OXNAD1: variants seen among roughly 807,000 people sequenced by gnomAD.
The protein encoded by OXNAD1 is oxidoreductase NAD-binding domain-containing protein 1.
A neutral mutation model predicts 32.9 loss-of-function variants in OXNAD1; 34 were observed. That is an observed-to-expected ratio of 1.03 (90% confidence interval 0.79 to 1.38). The LOEUF (loss-of-function observed/expected upper bound fraction) is 1.38. Ranked by LOEUF, OXNAD1 falls within the 40% of genes most tolerant of loss-of-function variation. The pLI, the probability that OXNAD1 is intolerant of heterozygous loss-of-function variation, is 0.00. For synonymous variants in OXNAD1, 134 were observed against 135.2 expected, an observed-to-expected ratio of 0.99 and a Z score of 0.06; for missense variants, 407 against 379.4, an observed-to-expected ratio of 1.07 and a Z score of -0.60.
rs996682155 is a variant in OXNAD1 at position 16,346,686 on chromosome 3, G to T, written c.*31-2490G>T. Among the ~76,000 whole-genome samples, 5 of 152,198 alleles carry T rather than the reference G, an allele frequency of 3.3e-5. No individual in the cohort carries two copies. The highest frequency in any genetic ancestry group is 7.3e-5 in the Non-Finnish European group (5 of 68,030). The stretch of plus-strand genomic sequence containing the variant: ...AATGAGACCTGAGGAAATCTCTGTT[G>T]TGGGTTTCTGGGAAAGCTTTTACTT... On this transcript the variant is annotated intron_variant, in intron 9 of 9. Transcript: ENST00000606098. This position sits in a 1 kb window ranked among gnomAD's most constrained non-coding sequence, Gnocchi z 4.4.
intron 4 of OXNAD1, among the ~76,000 whole-genome samples, chr3:16,279,904 T>C (rs775810225): frequency 3.3e-5 from 5 of 152,150 alleles, no homozygotes; most frequent in Non-Finnish European, 7.3e-5. Flanking sequence ...GTAATATGAA[T>C]GGGAGCAGAG....
Position 16,290,376 on chromosome 3 carries a change from T to C in OXNAD1, c.290+3928T>C, listed in dbSNP as rs1442391977. Among the ~76,000 whole-genome samples, 1 of 152,240 alleles carries C rather than the reference T, an allele frequency of 6.6e-6. No individual in the cohort carries two copies. The highest frequency in any genetic ancestry group is 2.4e-5 in the African/African-American group (1 of 41,458). ...GAAGTTTTTATGTAACTTAAATTCT[T>C]CTGTATTTTTTAATGAAGGAGTCCT... is the stretch of plus-strand genomic sequence containing the variant. On this transcript the variant is annotated intron_variant, in intron 5 of 8. Transcript: ENST00000285083. The surrounding 1 kb of genome is among the most constrained non-coding windows in gnomAD (Gnocchi z 4.2).
chr3:16,332,886 A>G (rs1169720122), intron 9 of OXNAD1, among the ~76,000 whole-genome samples: 2 of 152,140 alleles, frequency 1.3e-5, no homozygotes, highest in Non-Finnish European at 2.9e-5. Flanking sequence ...CTTGGTAGCT[A>G]TGTTCTGTAA....
rs535949037 is a variant in OXNAD1, at chr3:16,316,875, C to T, written c.*30+13283C>T. On this transcript the variant is annotated intron_variant, in intron 9 of 9. Coordinates refer to the OXNAD1 transcript ENST00000435829. This position sits in a 1 kb window ranked among gnomAD's most constrained non-coding sequence, Gnocchi z 4.5. ...AGCTCTCTGACTTCCTCAGCATCCCCGTCCCTGGCATCCTCTCCAGGATTG... is the reference window on the plus strand; with the variant it reads ...AGCTCTCTGACTTCCTCAGCATCCCTGTCCCTGGCATCCTCTCCAGGATTG... 9.9e-6 allele frequency: 16 copies of T among 1,614,200 alleles called. No homozygotes were observed. The highest frequency in any genetic ancestry group is 1.7e-4 in the Middle Eastern group (1 of 6,060).
chr3:16,291,981 TG>T (rs1264572598), intron 5 of OXNAD1, among the ~76,000 whole-genome samples: 3 of 152,226 alleles, frequency 2.0e-5, no homozygotes, highest in Non-Finnish European at 4.4e-5. Flanking sequence ...TAATGACTAT[TG>T]ATGTTGAACA....
chr3:16,286,905 A>ATTAT (rs2066111930), intron 5 of OXNAD1, among the ~76,000 whole-genome samples: 1 of 152,214 alleles, frequency 6.6e-6, no homozygotes, highest in Non-Finnish European at 1.5e-5. Flanking sequence ...TAGTGATGTC[A>ATTAT]TCACAGGGCT....
Position 16,294,852 on chromosome 3 carries a change from T to G in OXNAD1, c.291-4T>G. On this transcript the variant is annotated splice_polypyrimidine_tract_variant and splice_region_variant and intron_variant, in intron 5 of 8. Transcript: ENST00000285083. ...AATAATCATTTATTTGGCTTTCTTTTTAGGGTTGATTTCTTTATTCCAGGA... is the reference window on the plus strand; with the variant it reads ...AATAATCATTTATTTGGCTTTCTTTGTAGGGTTGATTTCTTTATTCCAGGA... 6.2e-7 allele frequency: 1 copy of G among 1,604,770 alleles called. No individual in the cohort carries two copies. Among genetic ancestry groups the G allele is most frequent in the Non-Finnish European group, 8.5e-7 (1 of 1,176,770 alleles).
chr3:16,282,037 ATTT>A (rs779324288), intron 4 of OXNAD1, among the ~76,000 whole-genome samples: 34 of 95,704 alleles, frequency 3.6e-4, no homozygotes, highest in African/African-American at 5.4e-4. Context: ...AATGTTTGTA[ATTT>A]TTTTTTTTTT....
At position 16,302,498 on chromosome 3, in the gene OXNAD1, G is replaced by A. The variant is rs1446118493; in HGVS notation, c.676-142G>A. The A allele has an allele frequency of 1.6e-6, 1 of 623,362 alleles. No homozygotes were observed. The highest frequency in any genetic ancestry group is 2.8e-5 in the East Asian group (1 of 35,534). The allele number at this position is 623,362 out of a possible 1,614,324, so 38.6% of individuals were successfully genotyped here. On this transcript the variant is annotated intron_variant, in intron 7 of 8. Coordinates refer to ENST00000285083, the MANE Select transcript of OXNAD1 (RefSeq NM_138381.5). The surrounding 1 kb of genome is among the most constrained non-coding windows in gnomAD (Gnocchi z 4.2). Reference sequence around the variant, plus strand: ...TAGTCTGAATGCTCTGGCCTGCTAGGCTGCAAACAATATCTCTCTAAGTAG... The same window carrying A: ...TAGTCTGAATGCTCTGGCCTGCTAGACTGCAAACAATATCTCTCTAAGTAG...
At position 16,345,794 on chromosome 3, in the gene OXNAD1, G is replaced by C. The variant is rs969684975; in HGVS notation, c.*31-3382G>C. ...AAAACCTTATAATAAATCTCTGTGTGTGTGTGTGTGTGTGTGTGTGTGTGC... is the reference window on the plus strand; with the variant it reads ...AAAACCTTATAATAAATCTCTGTGTCTGTGTGTGTGTGTGTGTGTGTGTGC... On this transcript the variant is annotated intron_variant, in intron 9 of 9. Transcript: ENST00000606098. This position sits in a 1 kb window ranked among gnomAD's most constrained non-coding sequence, Gnocchi z 5.2. Among the ~76,000 whole-genome samples the C allele has an allele frequency of 1.2e-5, 1 of 81,064 alleles. No homozygotes were observed. Among genetic ancestry groups the C allele is most frequent in the East Asian group, 2.8e-4 (1 of 3,532 alleles). The allele number at this position is 81,064 out of a possible 152,430, so 53.2% of individuals were successfully genotyped here.
intron 9 of OXNAD1, among the ~76,000 whole-genome samples, chr3:16,347,126 G>A (rs2071775256): frequency 6.6e-6 from 1 of 152,162 alleles, no homozygotes; most frequent in South Asian, 2.1e-4. Context: ...AATTGTCCCA[G>A]TGTACAGCTC....
chr3:16,308,192 A>C (rs1010191267), downstream of OXNAD1, among the ~76,000 whole-genome samples: 1 of 152,238 alleles, frequency 6.6e-6, no homozygotes, highest in Non-Finnish European at 1.5e-5. The surrounding 1 kb of genome is among the most constrained non-coding windows in gnomAD (Gnocchi z 4.4). Flanking sequence ...CATTGAGAAC[A>C]TTTCGACAAA....
Position 16,329,956 on chromosome 3 carries a change from G to A in OXNAD1, c.*31-7156G>A, listed in dbSNP as rs910507055. On this transcript the variant is annotated intron_variant, in intron 9 of 9. Coordinates refer to the OXNAD1 transcript ENST00000435829. The surrounding 1 kb of genome is among the most constrained non-coding windows in gnomAD (Gnocchi z 4.5). Reference sequence around the variant, plus strand: ...AACGACCCCTGCTGCAGCCCGACCCGCCTGCTTAGACAGACTGCAAACCGG... The same window carrying A: ...AACGACCCCTGCTGCAGCCCGACCCACCTGCTTAGACAGACTGCAAACCGG... 3.3e-5 allele frequency among the ~76,000 whole-genome samples: 5 copies of A among 152,216 alleles called. No individual in the cohort carries two copies. In the South Asian group the frequency reaches 8.3e-4, roughly 25 times the overall value.
chr3:16,343,239 T>G (rs902393730), intron 9 of OXNAD1, among the ~76,000 whole-genome samples: 3 of 152,130 alleles, frequency 2.0e-5, no homozygotes, highest in African/African-American at 7.2e-5. Context: ...CACTCCTAAT[T>G]AGTGGTAATG....
chr3:16,334,080 G>T lies in OXNAD1; in HGVS notation c.*31-3032G>T, dbSNP rs1212057512. On this transcript the variant is annotated intron_variant, in intron 9 of 9. Coordinates refer to the OXNAD1 transcript ENST00000435829. The surrounding 1 kb of genome is among the most constrained non-coding windows in gnomAD (Gnocchi z 4.3). Reference sequence around the variant, plus strand: ...CTTGGGAGGCTGAGGCAGGAGAATGGCTTGAACCTAGGAGGCAGAAGCTGC... The same window carrying T: ...CTTGGGAGGCTGAGGCAGGAGAATGTCTTGAACCTAGGAGGCAGAAGCTGC... 6.6e-6 allele frequency among the ~76,000 whole-genome samples: 1 copy of T among 152,164 alleles called. No individual in the cohort carries two copies. The highest frequency in any genetic ancestry group is 1.5e-5 in the Non-Finnish European group (1 of 68,020).
Position 16,344,974 on chromosome 3 carries a change from G to A in OXNAD1, c.*31-4202G>A, listed in dbSNP as rs952699626. ...GTGGCTCTCAAACTATGCATTTTAAGCTCTTTTAGGGGGCCACATGGAAAG... is the reference window on the plus strand; with the variant it reads ...GTGGCTCTCAAACTATGCATTTTAAACTCTTTTAGGGGGCCACATGGAAAG... On this transcript the variant is annotated intron_variant, in intron 9 of 9. Transcript: ENST00000606098. This position sits in a 1 kb window ranked among gnomAD's most constrained non-coding sequence, Gnocchi z 4.4. 6.6e-6 allele frequency among the ~76,000 whole-genome samples: 1 copy of A among 152,128 alleles called. No homozygotes were observed. The highest frequency in any genetic ancestry group is 1.5e-5 in the Non-Finnish European group (1 of 68,018).
At chr3:16,310,604 C>A (rs1480968778), downstream of OXNAD1, among the ~76,000 whole-genome samples, 1 of 152,158 alleles carries the variant, frequency 6.6e-6, no homozygotes, top group East Asian at 1.9e-4. Context: ...TCTACTCTTT[C>A]TTCAAGACCC....
chr3:16,341,502 C>A (rs535070180), downstream of OXNAD1, among the ~76,000 whole-genome samples: 2 of 152,124 alleles, frequency 1.3e-5, no homozygotes, highest in African/African-American at 4.8e-5. This position sits in a 1 kb window ranked among gnomAD's most constrained non-coding sequence, Gnocchi z 4.7. Context: ...GATGGAGGAG[C>A]CTTAAATCCA....
rs370820242 is a variant in OXNAD1 at position 16,345,788 on chromosome 3, CTGTGTGTGTGTGTGTG to C, written c.*31-3373_*31-3358del. Reference sequence around the variant, plus strand: ...TGAGCCAAAACCTTATAATAAATCTCTGTGTGTGTGTGTGTGTGTGTGTGTGTGTGCGCGCGCGCGT... The same window carrying C: ...TGAGCCAAAACCTTATAATAAATCTCTGTGTGTGTGTGTGCGCGCGCGCGT... On this transcript the variant is annotated intron_variant, in intron 9 of 9. Transcript: ENST00000606098. The surrounding 1 kb of genome is among the most constrained non-coding windows in gnomAD (Gnocchi z 5.2). 3.9e-5 allele frequency among the ~76,000 whole-genome samples: 5 copies of C among 127,174 alleles called. No homozygotes were observed. The highest frequency in any genetic ancestry group is 8.5e-5 in the Non-Finnish European group (5 of 58,644). The allele number at this position is 127,174 out of a possible 152,430, so 83.4% of individuals were successfully genotyped here.
Sources: allele counts gnomAD v4.1 joint callset (sites outside exome capture counted in the v4.1 genomes callset), GRCh38; gene constraint gnomAD v4.1.1; non-coding constraint Gnocchi (gnomAD v3.1); transcripts MANE v1.5; gene names NCBI Gene and HGNC (gene_info 2026-07-23, HGNC 2026-07-21).